CNTN5: variants seen among roughly 807,000 people sequenced by gnomAD.
CNTN5 encodes contactin 5, also known as contactin-5.
A neutral mutation model predicts 129.1 loss-of-function variants in CNTN5; 77 were observed. The observed-to-expected ratio is 0.60, with a 90% CI of 0.50 to 0.72. The LOEUF (loss-of-function observed/expected upper bound fraction) is 0.72. Ranked by LOEUF, CNTN5 falls within the 30% of genes least tolerant of loss-of-function variation. CNTN5 has a pLI of 0.00. For synonymous variants in CNTN5, 509 were observed against 465.6 expected (o/e 1.09, Z -1.20); for missense variants, 1,478 against 1,328.8 (o/e 1.11, Z -1.75).
At position 99,737,861 on chromosome 11, in the gene CNTN5, C is replaced by T. The variant is rs75190554; in HGVS notation, c.56-81683C>T. On this transcript the variant is annotated intron_variant, in intron 3 of 24. Transcript: ENST00000524871. ...AAGATGCATCTTTTTCACTTTTTAA[C>T]GTCACTAAAATAAAATATCATACCA... is the stretch of plus-strand genomic sequence containing the variant. Among the ~76,000 whole-genome samples the T allele has an allele frequency of 3.4e-3, 522 of 152,114 alleles. 2 individuals carry two copies. The highest frequency in any genetic ancestry group is 0.011 in the African/African-American group (440 of 41,494).
intron 6 of CNTN5, among the ~76,000 whole-genome samples, chr11:99,889,503 T>TA (rs1476409482): frequency 3.3e-5 from 5 of 151,784 alleles, no homozygotes; most frequent in African/African-American, 1.2e-4. Context: ...CATTATTTGT[T>TA]ATGTTGAAAA....
chr11:99,781,985 G>C (rs1418268960), intron 3 of CNTN5, among the ~76,000 whole-genome samples: 1 of 151,464 alleles, frequency 6.6e-6, no homozygotes, highest in African/African-American at 2.4e-5. Context: ...AGGGCAATTA[G>C]GCAGGAGAAG....
chr11:99,496,224 G>T (rs1946219585), intron 2 of CNTN5, among the ~76,000 whole-genome samples: 1 of 152,112 alleles, frequency 6.6e-6, no homozygotes, highest in Non-Finnish European at 1.5e-5. Flanking sequence ...ACTCTGTGAA[G>T]TTTAACGTTT....
chr11:99,507,594 T>G (rs1443443980), intron 2 of CNTN5, among the ~76,000 whole-genome samples: 1 of 152,098 alleles, frequency 6.6e-6, no homozygotes, highest in Non-Finnish European at 1.5e-5. Flanking sequence ...TTTGAAAATA[T>G]TCTAGAAAGA....
At chr11:99,570,229 C>T (rs768506330) in intron 3 of CNTN5, among the ~76,000 whole-genome samples, 1 of 151,802 alleles carries the variant, frequency 6.6e-6, no homozygotes, top group South Asian at 2.1e-4. Context: ...CTCACAGTGC[C>T]GTTGCTGGCC....
chr11:99,628,047 A>G (rs1951193613), intron 3 of CNTN5, among the ~76,000 whole-genome samples: 1 of 151,644 alleles, frequency 6.6e-6, no homozygotes, highest in African/African-American at 2.4e-5. Flanking sequence ...CCCTGGATTT[A>G]ATCAGGCAAA....
intron 1 of CNTN5, among the ~76,000 whole-genome samples, chr11:99,202,990 A>C (rs930368022): frequency 6.6e-6 from 1 of 151,870 alleles, no homozygotes; most frequent in African/African-American, 2.4e-5. Context: ...GAATGAAAGA[A>C]AGAGAGAGAA....
chr11:99,126,252 C>T lies in CNTN5; in HGVS notation c.-210+104982C>T, dbSNP rs77967826. ...CTTTTAAGTATTCTTACTGTTCAGG[C>T]GTATGTCATGTTGAACAGTAAAATA... On this transcript the variant is annotated intron_variant, in intron 1 of 24. Transcript: ENST00000524871. Among the ~76,000 whole-genome samples, 326 of 152,194 alleles carry T rather than the reference C, an allele frequency of 2.1e-3. 2 individuals carry two copies. Among genetic ancestry groups the T allele is most frequent in the African/African-American group, 7.4e-3 (306 of 41,516 alleles).
At chr11:100,229,807 T>C (rs746569199) in intron 16 of CNTN5, among the ~76,000 whole-genome samples, 1 of 152,202 alleles carries the variant, frequency 6.6e-6, no homozygotes, top group Non-Finnish European at 1.5e-5. Context: ...TTTCCAAGCT[T>C]TAAAATGCAC....
intron 8 of CNTN5, among the ~76,000 whole-genome samples, chr11:99,996,543 C>T (rs536088691): frequency 4.8e-4 from 73 of 152,242 alleles, no homozygotes; most frequent in Admixed American, 9.8e-4. Context: ...ATCTCTTTAT[C>T]ATTTTTTTAT....
At chr11:100,245,298 G>A (rs74827704) in intron 16 of CNTN5, among the ~76,000 whole-genome samples, 1,535 of 152,256 alleles carry the variant, frequency 0.01, 29 homozygotes, top group African/African-American at 0.035. Flanking sequence ...AGGAGCTAGT[G>A]TATTTCTCCC....
At chr11:100,134,257 C>CT (rs1946460198) in intron 13 of CNTN5, among the ~76,000 whole-genome samples, 1 of 152,030 alleles carries the variant, frequency 6.6e-6, no homozygotes, top group Non-Finnish European at 1.5e-5. Flanking sequence ...GAAATATGAA[C>CT]TTAGAAGGGC....
intron 2 of CNTN5, among the ~76,000 whole-genome samples, chr11:99,401,934 A>C (rs991726745): frequency 2.6e-5 from 4 of 152,074 alleles, no homozygotes; most frequent in African/African-American, 9.7e-5. Flanking sequence ...CTGCAACTTT[A>C]CTGAATTTGT....
chr11:99,722,329 C>T (rs936613494), intron 3 of CNTN5, among the ~76,000 whole-genome samples: 1 of 152,010 alleles, frequency 6.6e-6, no homozygotes, highest in African/African-American at 2.4e-5. Context: ...ATGTCTTTTG[C>T]AGGAATGGGA....
intron 2 of CNTN5, among the ~76,000 whole-genome samples, chr11:99,449,370 GA>G: frequency 6.6e-6 from 1 of 151,742 alleles, no homozygotes; most frequent in South Asian, 2.1e-4. Flanking sequence ...TTTCCCTGTG[GA>G]AAAAAAATGA....
At chr11:100,299,952 T>G (rs551217272) in intron 20 of CNTN5, among the ~76,000 whole-genome samples, 1 of 151,616 alleles carries the variant, frequency 6.6e-6, no homozygotes, top group Admixed American at 6.6e-5. Context: ...AAATTGACTT[T>G]CGGAAAAGTT....
At chr11:99,433,012 G>GAAAA (rs202138426) in intron 2 of CNTN5, among the ~76,000 whole-genome samples, 3 of 135,830 alleles carry the variant, frequency 2.2e-5, no homozygotes, top group Non-Finnish European at 1.6e-5. Context: ...TGATTACCAG[G>GAAAA]AAAAAAAAAA....
intron 2 of CNTN5, among the ~76,000 whole-genome samples, chr11:99,439,092 A>T (rs931026433): frequency 2.0e-5 from 3 of 152,240 alleles, no homozygotes; most frequent in African/African-American, 7.2e-5. Flanking sequence ...AATGATGAGG[A>T]TTACACATAT....
intron 3 of CNTN5, among the ~76,000 whole-genome samples, chr11:99,710,855 T>A (rs908124700): frequency 6.6e-6 from 1 of 151,946 alleles, no homozygotes; most frequent in Non-Finnish European, 1.5e-5. Flanking sequence ...GTAAATTTTA[T>A]GTATCAACTT....
Sources: gnomAD v4.1 joint callset for allele counts (sites outside exome capture counted in the v4.1 genomes callset) on GRCh38, gnomAD v4.1.1 for gene constraint, MANE v1.5 for transcripts, NCBI Gene and HGNC (gene_info 2026-07-23, HGNC 2026-07-21) for gene names.